The following SPIDR variants were observed in gnomAD, a reference collection of about 807,000 sequenced individuals.
SPIDR encodes DNA repair-scaffolding protein.
A neutral mutation model predicts 104.6 loss-of-function variants in SPIDR; 93 were observed. That is an observed-to-expected ratio of 0.89 (90% CI 0.75 to 1.06). The LOEUF (loss-of-function observed/expected upper bound fraction) is 1.06. SPIDR is among the 50% of genes least tolerant of loss of function. SPIDR has a pLI of 0.00. For missense variants in SPIDR, 1,154 were observed against 1,111.2 expected, an observed-to-expected ratio of 1.04 and a Z score of -0.55; for synonymous variants, 431 against 416.9, an observed-to-expected ratio of 1.03 and a Z score of -0.41.
intron 8 of SPIDR, among the ~76,000 whole-genome samples, chr8:47,519,591 T>C (rs1049330956): frequency 1.3e-5 from 2 of 152,174 alleles, no homozygotes; most frequent in South Asian, 4.1e-4. Context: ...AGAACTAGTC[T>C]GGGCAATATG....
chr8:47,509,385 T>C (rs150104669), intron 8 of SPIDR, among the ~76,000 whole-genome samples: 238 of 152,314 alleles, frequency 1.6e-3, no homozygotes, highest in Admixed American at 3.7e-3. Flanking sequence ...CCTAAGTCTA[T>C]ATTTCTACAT....
chr8:47,399,376 G>A (rs961176495), intron 6 of SPIDR, among the ~76,000 whole-genome samples: 2 of 152,202 alleles, frequency 1.3e-5, no homozygotes, highest in African/African-American at 2.4e-5. Flanking sequence ...CGGACAGCTG[G>A]GAAGGCAGAG....
At chr8:47,514,894 C>G (rs1168617360) in intron 8 of SPIDR, among the ~76,000 whole-genome samples, 1 of 152,164 alleles carries the variant, frequency 6.6e-6, no homozygotes, top group Non-Finnish European at 1.5e-5. Context: ...GACATTCATT[C>G]TACCCTTATG....
At chr8:47,263,836 G>T (rs2033204140) in intron 1 of SPIDR, among the ~76,000 whole-genome samples, 1 of 152,164 alleles carries the variant, frequency 6.6e-6, no homozygotes, top group African/African-American at 2.4e-5. Flanking sequence ...GTAGTCTGTG[G>T]AATTTTATGT....
chr8:47,558,419 G>C (rs2091578298), intron 8 of SPIDR, among the ~76,000 whole-genome samples: 1 of 152,102 alleles, frequency 6.6e-6, no homozygotes, highest in African/African-American at 2.4e-5. Context: ...CTTTTCTTGA[G>C]CTTTGATAGG....
At chr8:47,309,895 C>G (rs587623391) in intron 5 of SPIDR, among the ~76,000 whole-genome samples, 14 of 151,658 alleles carry the variant, frequency 9.2e-5, no homozygotes, top group African/African-American at 3.2e-4. Flanking sequence ...AAAAATTAGC[C>G]GGACATGGTG....
At chr8:47,344,709 C>T (rs2051509969) in intron 5 of SPIDR, among the ~76,000 whole-genome samples, 1 of 152,216 alleles carries the variant, frequency 6.6e-6, no homozygotes, top group Admixed American at 6.5e-5. Context: ...TTGTATTTCT[C>T]TGATGGCCAG....
At chr8:47,403,328 C>A (rs1368642705) in intron 6 of SPIDR, among the ~76,000 whole-genome samples, 1 of 152,168 alleles carries the variant, frequency 6.6e-6, no homozygotes, top group Non-Finnish European at 1.5e-5. Flanking sequence ...CACTCCTATT[C>A]AACATAGCGT....
chr8:47,677,961 T>G (rs748095689), intron 11 of SPIDR, among the ~76,000 whole-genome samples: 7 of 151,026 alleles, frequency 4.6e-5, no homozygotes, highest in Admixed American at 6.6e-5. Flanking sequence ...CCTAGCACTT[T>G]GGGATGCCAA....
intron 10 of SPIDR, chr8:47,654,128 A>G (rs1304307920): frequency 7.8e-7 from 1 of 1,289,634 alleles, no homozygotes; most frequent in African/African-American, 1.5e-5. Flanking sequence ...CCATTGGGAT[A>G]CTCCCAAAGT....
chr8:47,311,413 A>G, intron 5 of SPIDR, among the ~76,000 whole-genome samples: 1 of 152,196 alleles, frequency 6.6e-6, no homozygotes, highest in East Asian at 1.9e-4. Context: ...ATTTCCCTAA[A>G]TTGGTAAAAA....
intron 8 of SPIDR, among the ~76,000 whole-genome samples, chr8:47,506,326 A>G (rs1394292613): frequency 2.6e-5 from 4 of 152,188 alleles, no homozygotes; most frequent in African/African-American, 9.7e-5. Context: ...TATTTACACC[A>G]TCATACAGCT....
chr8:47,364,089 T>C (rs1373890157), intron 5 of SPIDR, among the ~76,000 whole-genome samples: 2 of 152,234 alleles, frequency 1.3e-5, no homozygotes, highest in Non-Finnish European at 2.9e-5. Flanking sequence ...ACTCATTGCT[T>C]CTGTAAAAGT....
intron 5 of SPIDR, among the ~76,000 whole-genome samples, chr8:47,313,676 C>T (rs1482073865): frequency 6.6e-6 from 1 of 152,148 alleles, no homozygotes; most frequent in Non-Finnish European, 1.5e-5. Flanking sequence ...TACAAGGCTA[C>T]AGTAACCAAA....
intron 8 of SPIDR, among the ~76,000 whole-genome samples, chr8:47,589,009 T>A (rs2060634518): frequency 6.6e-6 from 1 of 150,982 alleles, no homozygotes; most frequent in South Asian, 2.1e-4. Context: ...TGAGGTATAT[T>A]GGTTTATAGT....
At chr8:47,583,849 G>A (rs1171656149) in intron 8 of SPIDR, among the ~76,000 whole-genome samples, 1 of 152,166 alleles carries the variant, frequency 6.6e-6, no homozygotes, top group Admixed American at 6.5e-5. Flanking sequence ...CTCCTGGGAA[G>A]CCTCCTAGCA....
At chr8:47,353,982 G>A (rs922438492) in intron 5 of SPIDR, among the ~76,000 whole-genome samples, 1 of 151,742 alleles carries the variant, frequency 6.6e-6, no homozygotes, top group South Asian at 2.1e-4. Context: ...TGCTTTTAAG[G>A]CTTCATATAC....
intron 6 of SPIDR, among the ~76,000 whole-genome samples, chr8:47,406,148 T>C (rs1260982631): frequency 6.6e-6 from 1 of 152,042 alleles, no homozygotes; most frequent in Non-Finnish European, 1.5e-5. Flanking sequence ...TGGCAAATAA[T>C]GTTCTAGATA....
rs797043912 is a variant in SPIDR, at chr8:47,317,132, C to T, written c.525+23102C>T. On this transcript the variant is annotated intron_variant, in intron 5 of 19. Transcript: ENST00000297423. Reference sequence around the variant, plus strand: ...AGGACAGTGGGTACAGTGCACCCAGCGTGAGCCGAAGCAGGGCGAGGCATC... The same window carrying T: ...AGGACAGTGGGTACAGTGCACCCAGTGTGAGCCGAAGCAGGGCGAGGCATC... Among the ~76,000 whole-genome samples, 752 of 152,170 alleles carry T rather than the reference C, an allele frequency of 4.9e-3. 7 individuals are homozygous for T. Among genetic ancestry groups the T allele is most frequent in the African/African-American group, 0.017 (713 of 41,516 alleles).
Sources: allele counts gnomAD v4.1 joint callset (sites outside exome capture counted in the v4.1 genomes callset), GRCh38; gene constraint gnomAD v4.1.1; transcripts MANE v1.5; gene names NCBI Gene and HGNC (gene_info 2026-07-23, HGNC 2026-07-21).